The following MCTP2 variants were observed in gnomAD, a reference collection of about 807,000 sequenced individuals.
The protein encoded by MCTP2 is multiple C2 and transmembrane domain containing 2, also known as multiple C2 and transmembrane domain-containing protein 2.
In MCTP2, 132 loss-of-function variants were observed where a neutral mutation model predicts 111.6. The ratio of observed to expected loss-of-function variants is 1.18; its 90% CI spans 1.03 to 1.37. MCTP2 has a LOEUF of 1.37. Among genes scored for constraint, MCTP2 ranks in the 40% most tolerant of loss-of-function variants. The probability of loss-of-function intolerance (pLI) is 0.00; values close to 1 mark genes in which losing one functional copy is unlikely to be tolerated. For missense variants in MCTP2, 1,183 were observed against 1,067.9 expected (o/e 1.11, Z -1.50); for synonymous variants, 395 against 387.7 (o/e 1.02, Z -0.22).
At position 94,287,549 on chromosome 15, in the gene MCTP2, C is replaced by T. The variant is rs558086821; in HGVS notation, c.-65-10652C>T. Among the ~76,000 whole-genome samples, 17 of 152,258 alleles carry T rather than the reference C, an allele frequency of 1.1e-4. No homozygotes were observed. In the East Asian group the frequency reaches 1.9e-3, roughly 17 times the overall value. ...ACATACTTGGAGAAACTATGGTCAG[C>T]GTGCTTTGCAAAACTTAAATGAGTT... On this transcript the variant is annotated intron_variant, in intron 1 of 22. Coordinates refer to ENST00000357742, the MANE Select transcript of MCTP2 (RefSeq NM_001385001.1).
chr15:94,451,289 T>TAA (rs539830999), intron 19 of MCTP2, among the ~76,000 whole-genome samples: 1 of 152,012 alleles, frequency 6.6e-6, no homozygotes, highest in African/African-American at 2.4e-5. Context: ...ATTGTGTGTT[T>TAA]AAAAAAAACA....
chr15:94,240,072 TTTTTG>T (rs1333400417), intron 1 of MCTP2, among the ~76,000 whole-genome samples: 9 of 152,156 alleles, frequency 5.9e-5, no homozygotes, highest in Non-Finnish European at 1.3e-4. Flanking sequence ...GGTAGTTTTT[TTTTTG>T]TTTGTTTTGT....
intron 1 of MCTP2, among the ~76,000 whole-genome samples, 176 bp from the exon 2 acceptor site, chr15:94,298,025 G>C (rs2075355000): frequency 6.6e-6 from 1 of 151,596 alleles, no homozygotes; most frequent in Non-Finnish European, 1.5e-5. Flanking sequence ...CTTTAAAAAT[G>C]CTTTCCCCAA....
At chr15:94,470,701 C>T (rs1385491225) in intron 21 of MCTP2, among the ~76,000 whole-genome samples, 1 of 152,180 alleles carries the variant, frequency 6.6e-6, no homozygotes, top group East Asian at 1.9e-4. Flanking sequence ...TCCCTTTGGG[C>T]TTTGCTAGTC....
intron 14 of MCTP2, among the ~76,000 whole-genome samples, chr15:94,398,272 C>T (rs1010884681): frequency 1.3e-5 from 2 of 152,116 alleles, no homozygotes; most frequent in Admixed American, 6.6e-5. Flanking sequence ...TTGTAAAGCA[C>T]CATTAAAACC....
chr15:94,415,770 A>T (rs2082345656), intron 17 of MCTP2, among the ~76,000 whole-genome samples: 1 of 152,090 alleles, frequency 6.6e-6, no homozygotes, highest in Non-Finnish European at 1.5e-5. Flanking sequence ...ATACACAGAC[A>T]CATTTGAAAA....
At chr15:94,312,250 G>T (rs1439094380) in intron 2 of MCTP2, among the ~76,000 whole-genome samples, 1 of 152,182 alleles carries the variant, frequency 6.6e-6, no homozygotes, top group Non-Finnish European at 1.5e-5. Flanking sequence ...ATAGTGTATG[G>T]TATAAAACAC....
In MCTP2 at chr15:94,469,389, G is replaced by A. The variant is rs1053025840; in HGVS notation, c.2361-944G>A. Reference sequence around the variant, plus strand: ...GCAGGCAATAGATACAACAAAAGGAGCCAGGAGCTCTGTGAAAATAATACA... The same window carrying A: ...GCAGGCAATAGATACAACAAAAGGAACCAGGAGCTCTGTGAAAATAATACA... On this transcript the variant is annotated intron_variant, in intron 20 of 22. Coordinates refer to ENST00000357742, the MANE Select transcript of MCTP2 (RefSeq NM_001385001.1). 2.8e-4 allele frequency among the ~76,000 whole-genome samples: 42 copies of A among 152,206 alleles called. 1 individual carries two copies. Among genetic ancestry groups the A allele is most frequent in the South Asian group, 2.1e-4 (1 of 4,830 alleles).
chr15:94,306,887 A>G lies in MCTP2; in HGVS notation c.466-7395A>G, dbSNP rs142494799. Reference sequence around the variant, plus strand: ...AGTGATCACAGAGAAGTAGAGTGAGAAACCACAGAGGAGAGGAAACGACCT... The same window carrying G: ...AGTGATCACAGAGAAGTAGAGTGAGGAACCACAGAGGAGAGGAAACGACCT... On this transcript the variant is annotated intron_variant, in intron 2 of 22. Coordinates refer to ENST00000357742, the MANE Select transcript of MCTP2 (RefSeq NM_001385001.1). Among the ~76,000 whole-genome samples the G allele has an allele frequency of 1.2e-3, 176 of 152,336 alleles. 1 individual carries two copies. The highest frequency in any genetic ancestry group is 4.1e-3 in the African/African-American group (172 of 41,578).
At chr15:94,366,689 A>T (rs374398738) in intron 10 of MCTP2, among the ~76,000 whole-genome samples, 2 of 152,090 alleles carry the variant, frequency 1.3e-5, no homozygotes, top group African/African-American at 2.4e-5. Flanking sequence ...TTCTATAATT[A>T]TGGAGGGTAA....
At chr15:94,450,556 T>C (rs987462028) in intron 19 of MCTP2, among the ~76,000 whole-genome samples, 10 of 152,258 alleles carry the variant, frequency 6.6e-5, no homozygotes, top group African/African-American at 2.4e-4. Context: ...AATCTATTTC[T>C]AATGTTTATA....
chr15:94,388,516 CAATTT>C (rs2080660128), intron 14 of MCTP2, among the ~76,000 whole-genome samples: 1 of 152,198 alleles, frequency 6.6e-6, no homozygotes, highest in South Asian at 2.1e-4. Context: ...CTGTAACCCT[CAATTT>C]AACTGGCAAA....
intron 1 of MCTP2, among the ~76,000 whole-genome samples, chr15:94,244,527 C>T (rs1474926858): frequency 2.8e-5 from 4 of 141,862 alleles, no homozygotes; most frequent in Admixed American, 1.4e-4. Flanking sequence ...TATTTATATT[C>T]GTATATGTAT....
intron 19 of MCTP2, among the ~76,000 whole-genome samples, chr15:94,452,930 G>T (rs1596764654): frequency 6.6e-6 from 1 of 151,150 alleles, no homozygotes. Flanking sequence ...TAAGGAAGGG[G>T]TGGAAACACG....
chr15:94,439,733 A>G (rs1441892661), intron 17 of MCTP2, among the ~76,000 whole-genome samples: 1 of 152,212 alleles, frequency 6.6e-6, no homozygotes, highest in African/African-American at 2.4e-5. Flanking sequence ...GATTTTAAGC[A>G]CTTTAACAAA....
In MCTP2 at chr15:94,478,986, ACT is replaced by A. The variant is rs1249180473; in HGVS notation, c.2592_2593del (p.Cys865GlnfsTer103). On this transcript the variant is annotated frameshift_variant, in exon 23 of 23. Coordinates refer to ENST00000357742, the MANE Select transcript of MCTP2 (RefSeq NM_001385001.1). LOFTEE classifies it high-confidence loss of function. ...VQKVQYAELKLCSSHSPLRKK... is the reference protein window; with the variant it reads ...VQKVQYAELKXCSSHSPLRKK... ...CACAGGTGCAGTATGCAGAATTGAA[ACT>A]CTGCAGCAGCCACAGCCCCCTGCGG... 11 of 1,613,662 alleles carry A rather than the reference ACT, an allele frequency of 6.8e-6. No individual in the cohort carries two copies. The highest frequency in any genetic ancestry group is 1.7e-4 in the Middle Eastern group (1 of 6,046).
At chr15:94,342,084 T>C (rs985283974) in intron 7 of MCTP2, 2 of 152,104 alleles carry the variant, frequency 1.3e-5, no homozygotes, top group Non-Finnish European at 2.9e-5. Flanking sequence ...TGTCACGTGG[T>C]TGACAACTTG....
chr15:94,308,780 G>A (rs2076000335), intron 2 of MCTP2, among the ~76,000 whole-genome samples: 1 of 152,198 alleles, frequency 6.6e-6, no homozygotes, highest in Non-Finnish European at 1.5e-5. Context: ...TCAAGGTGAG[G>A]TCACATGACA....
intron 2 of MCTP2, among the ~76,000 whole-genome samples, chr15:94,311,388 T>C (rs1182054602): frequency 6.6e-6 from 1 of 152,180 alleles, no homozygotes; most frequent in Non-Finnish European, 1.5e-5. Context: ...ATGAAATAAA[T>C]ATTAATTCTT....
Sources: allele counts gnomAD v4.1 joint callset (sites outside exome capture counted in the v4.1 genomes callset), GRCh38; gene constraint gnomAD v4.1.1; transcripts MANE v1.5; gene names NCBI Gene and HGNC (gene_info 2026-07-23, HGNC 2026-07-21).